The following TSPAN33 variants were observed in gnomAD, a reference collection of about 807,000 sequenced individuals.
TSPAN33 encodes the protein tetraspanin 33.
TSPAN33 carries 27 observed loss-of-function variants against 34.8 expected under a neutral mutation model. That is an observed-to-expected ratio of 0.78 (90% CI 0.57 to 1.07). The LOEUF (loss-of-function observed/expected upper bound fraction) is 1.07, where lower values mean the gene tolerates loss of function less well. Ranked by LOEUF, TSPAN33 falls within the 50% of genes least tolerant of loss-of-function variation. The pLI is 0.00. For missense variants in TSPAN33, 272 were observed against 324.9 expected (o/e 0.84, Z 1.25); for synonymous variants, 119 against 124.2 (o/e 0.96, Z 0.28).
At chr7:129,146,609 A>C (rs955061912) in intron 1 of TSPAN33, among the ~76,000 whole-genome samples, 2 of 152,066 alleles carry the variant, frequency 1.3e-5, no homozygotes, top group African/African-American at 4.8e-5. Context: ...TAACCAGTCA[A>C]CCCAAGTTCC....
rs1405603109 is a variant in TSPAN33 at position 129,161,634 on chromosome 7, T to C, written c.103-45T>C. The C allele has an allele frequency of 3.7e-6, 6 of 1,600,656 alleles. No individual in the cohort carries two copies. In the Admixed American group the frequency reaches 1.0e-4, roughly 27 times the overall value. ...GTTTCTCATGGCATTCAGGGCTCTC[T>C]GGTTTCCAGAATCTCAGGGTCTGGC... is the stretch of plus-strand genomic sequence containing the variant. On this transcript the variant is annotated intron_variant, in intron 1 of 7. Coordinates refer to ENST00000486685, the MANE Select transcript of TSPAN33 (RefSeq NM_178562.5).
intron 1 of TSPAN33, among the ~76,000 whole-genome samples, chr7:129,150,182 C>T (rs1273878341): frequency 6.6e-6 from 1 of 152,204 alleles, no homozygotes; most frequent in Non-Finnish European, 1.5e-5. Context: ...CTGCTTCTTG[C>T]AGCCTGGACT....
chr7:129,161,271 G>A (rs1366782064), intron 1 of TSPAN33, among the ~76,000 whole-genome samples: 1 of 152,184 alleles, frequency 6.6e-6, no homozygotes, highest in Non-Finnish European at 1.5e-5. Context: ...CTAGAGACAA[G>A]CTCTCACTAT....
intron 1 of TSPAN33, among the ~76,000 whole-genome samples, chr7:129,149,832 A>G (rs1382990043): frequency 6.6e-6 from 1 of 152,238 alleles, no homozygotes; most frequent in African/African-American, 2.4e-5. Context: ...GCTGACAGCC[A>G]GCCTCCCATG....
intron 1 of TSPAN33, among the ~76,000 whole-genome samples, chr7:129,154,805 C>G (rs138917929): frequency 6.6e-5 from 10 of 152,072 alleles, no homozygotes; most frequent in African/African-American, 2.4e-4. Context: ...GACTATTTTT[C>G]AAGAACAATT....
chr7:129,151,801 A>T (rs187154270), intron 1 of TSPAN33, among the ~76,000 whole-genome samples: 7 of 152,258 alleles, frequency 4.6e-5, no homozygotes, highest in African/African-American at 1.7e-4. Flanking sequence ...ACTAGGAAAC[A>T]ATTTATTTAG....
At chr7:129,147,155 C>T (rs1810532490) in intron 1 of TSPAN33, among the ~76,000 whole-genome samples, 1 of 152,106 alleles carries the variant, frequency 6.6e-6, no homozygotes, top group East Asian at 1.9e-4. Context: ...ACAGTAGACT[C>T]ATAAAAAATC....
chr7:129,148,480 T>C lies in TSPAN33; in HGVS notation c.102+3398T>C, dbSNP rs1420966005. 6.6e-6 allele frequency among the ~76,000 whole-genome samples: 1 copy of C among 152,204 alleles called. No homozygotes were observed. Among genetic ancestry groups the C allele is most frequent in the Non-Finnish European group, 1.5e-5 (1 of 68,036 alleles). On this transcript the variant is annotated intron_variant, in intron 1 of 7. Transcript: ENST00000486685. The surrounding 1 kb of genome is among the most constrained non-coding windows in gnomAD (Gnocchi z 4.2). ...AAATTGGGTGCTTACTGAATGTTTATTGGATGGTGAGTGAGAGAGCAAACC... is the reference window on the plus strand; with the variant it reads ...AAATTGGGTGCTTACTGAATGTTTACTGGATGGTGAGTGAGAGAGCAAACC...
chr7:129,152,849 G>A (rs1050785765), intron 1 of TSPAN33, among the ~76,000 whole-genome samples: 3 of 151,264 alleles, frequency 2.0e-5, no homozygotes, highest in African/African-American at 7.3e-5. Flanking sequence ...ACCTGAGGTT[G>A]GGAGTTCGAG....
intron 1 of TSPAN33, among the ~76,000 whole-genome samples, chr7:129,154,194 T>C (rs771857884): frequency 2.0e-4 from 31 of 151,828 alleles, no homozygotes; most frequent in African/African-American, 6.8e-4. Context: ...CAGGTGAGTG[T>C]CATGGCATGT....
chr7:129,148,000 G>A (rs75127589), intron 1 of TSPAN33, among the ~76,000 whole-genome samples: 2,096 of 152,188 alleles, frequency 0.014, 20 homozygotes, highest in South Asian at 0.027. Context: ...CCATGGCCTG[G>A]AGTAGCTGCT....
chr7:129,153,991 C>G (rs893705857), intron 1 of TSPAN33, among the ~76,000 whole-genome samples: 4 of 151,996 alleles, frequency 2.6e-5, no homozygotes, highest in Non-Finnish European at 4.4e-5. Context: ...TGTACACCAA[C>G]AGAGCACTGT....
Position 129,164,469 on chromosome 7 carries a change from G to A in TSPAN33, c.364-5G>A, listed in dbSNP as rs113611991. ...GTTCTGATTCCTTGCCCATGTCTCC[G>A]GCAGGCTCGAGGGAAAGTGAGTGAG... On this transcript the variant is annotated splice_polypyrimidine_tract_variant and splice_region_variant and intron_variant, in intron 4 of 7. Coordinates refer to ENST00000486685, the MANE Select transcript of TSPAN33 (RefSeq NM_178562.5). 41 of 1,613,606 alleles carry A rather than the reference G, an allele frequency of 2.5e-5. No individual in the cohort carries two copies. Among genetic ancestry groups the A allele is most frequent in the East Asian group, 1.6e-4 (7 of 44,880 alleles).
intron 5 of TSPAN33, chr7:129,164,887 TCA>T (rs1793114737): frequency 7.8e-6 from 2 of 255,646 alleles, no homozygotes; most frequent in East Asian, 1.8e-4. Context: ...ATTTGATTGT[TCA>T]CAGTCAGCTA....
At position 129,167,823 on chromosome 7, in the gene TSPAN33, G is replaced by C. The variant is rs771772403; in HGVS notation, c.801G>C (p.Gln267His). The change falls in exon 8 of 8, where the codon CAG becomes CAC. Residue 267 changes from glutamine to histidine, a missense_variant. By Grantham distance (24) the Gln-to-His change is conservative. Transcript: ENST00000486685. The surrounding 1 kb of genome is among the most constrained non-coding windows in gnomAD (Gnocchi z 4.6). Reference protein sequence around the residue: ...SQILVNQIKDQIKLQLYNQQH... With the variant: ...SQILVNQIKDHIKLQLYNQQH... ...TCCTAGTGAATCAGATCAAAGATCAGATCAAGCTACAGCTCTACAACCAGC... is the reference window on the plus strand; with the variant it reads ...TCCTAGTGAATCAGATCAAAGATCACATCAAGCTACAGCTCTACAACCAGC... 1 of 1,614,178 alleles carries C rather than the reference G, an allele frequency of 6.2e-7. No individual in the cohort carries two copies. Among genetic ancestry groups the C allele is most frequent in the Non-Finnish European group, 8.5e-7 (1 of 1,180,040 alleles).
chr7:129,160,508 TA>T (rs1453333741), intron 1 of TSPAN33, among the ~76,000 whole-genome samples: 3 of 152,164 alleles, frequency 2.0e-5, no homozygotes, highest in South Asian at 2.1e-4. Context: ...GCCTGGGGGC[TA>T]GGGGGTAGAT....
chr7:129,157,968 A>T lies in TSPAN33; in HGVS notation c.103-3711A>T, dbSNP rs145305576. On this transcript the variant is annotated intron_variant, in intron 1 of 7. Transcript: ENST00000486685. ...CCAAAACAGGTTTCACCGGGCTAAA[A>T]TCAAACAGATCTCGCTGGGCTAAAA... 1.8e-3 allele frequency among the ~76,000 whole-genome samples: 268 copies of T among 152,326 alleles called. 3 individuals carry two copies. Among genetic ancestry groups the T allele is most frequent in the Admixed American group, 0.014 (217 of 15,304 alleles).
At chr7:129,161,139 T>G (rs2150626176) in intron 1 of TSPAN33, among the ~76,000 whole-genome samples, 1 of 152,358 alleles carries the variant, frequency 6.6e-6, no homozygotes, top group Non-Finnish European at 1.5e-5. Context: ...CATGGCACAG[T>G]CATGGCTCAC....
At position 129,166,812 on chromosome 7, in the gene TSPAN33, G is replaced by A; in HGVS notation, c.494G>A (p.Trp165Ter). The A allele has an allele frequency of 2.5e-6, 4 of 1,614,178 alleles. No homozygotes were observed. Among genetic ancestry groups the A allele is most frequent in the Non-Finnish European group, 3.4e-6 (4 of 1,180,016 alleles). ...SCCGGISYKD[W>*]SQNMYFNCSE... ...TGTGGAGGGATTTCCTACAAGGACT[G>A]GTCTCAGAACATGTATTTCAACTGC... Residue 165 changes from tryptophan (W) to a stop codon, truncating the protein, a stop_gained, in exon 6 of 8, where the codon TGG becomes TAG. Coordinates refer to ENST00000486685, the MANE Select transcript of TSPAN33 (RefSeq NM_178562.5). LOFTEE classifies it high-confidence loss of function.
Sources: allele counts gnomAD v4.1 joint callset (sites outside exome capture counted in the v4.1 genomes callset), GRCh38; gene constraint gnomAD v4.1.1; non-coding constraint Gnocchi (gnomAD v3.1); transcripts MANE v1.5; gene names NCBI Gene and HGNC (gene_info 2026-07-23, HGNC 2026-07-21).